The following AHNAK2 variants were observed in gnomAD, a reference collection of about 807,000 sequenced individuals.
AHNAK2 encodes AHNAK nucleoprotein 2, also known as protein AHNAK2.
Under a neutral mutation model 30.7 loss-of-function variants are expected in AHNAK2, and 18 were observed. The ratio of observed to expected loss-of-function variants is 0.59; its 90% CI spans 0.41 to 0.87. The LOEUF is 0.87. Ranked by LOEUF, AHNAK2 falls within the 40% of genes least tolerant of loss-of-function variation. The probability of loss-of-function intolerance (pLI) is 0.00; values close to 1 mark genes in which losing one functional copy is unlikely to be tolerated. For synonymous variants in AHNAK2, 3,590 were observed against 3,073.8 expected (o/e 1.17, Z -5.56); for missense variants, 8,604 against 7,373.0 (o/e 1.17, Z -6.11).
chr14:104,941,418 TGAA>T lies in AHNAK2; in HGVS notation c.14030_14032del (p.Leu4677del), dbSNP rs1261842843. The T allele has an allele frequency of 6.2e-7, 1 of 1,613,222 alleles. No individual in the cohort carries two copies. Among genetic ancestry groups the T allele is most frequent in the Non-Finnish European group, 8.5e-7 (1 of 1,179,790 alleles). ...CAAGTTACCATCGCGAGATGGATCA[TGAA>T]GATCACCTTCATGAACAACAGATTC... On this transcript the variant is annotated inframe_deletion, in exon 7 of 7. Transcript: ENST00000333244.
In AHNAK2 at chr14:104,954,668, C is replaced by G. The variant is rs776836334; in HGVS notation, c.783G>C (p.Trp261Cys). ...TGCTCTTTATGGATTGAAATTTTGG[C>G]CAAGAGAGCCTCTCCCTCTGGCTCT... is the stretch of plus-strand genomic sequence containing the variant. ...GRQSQRERLS[W>C]PKFQSIKSKR... Residue 261 changes from tryptophan to cysteine, a missense_variant, in exon 7 of 7, where the codon TGG becomes TGC. By Grantham distance (215) the Trp-to-Cys change is radical. Coordinates refer to ENST00000333244, the MANE Select transcript of AHNAK2 (RefSeq NM_138420.4). This position sits in a 1 kb window ranked among gnomAD's most constrained non-coding sequence, Gnocchi z 4.3. 2 of 1,612,576 alleles carry G rather than the reference C, an allele frequency of 1.2e-6. No homozygotes were observed. The highest frequency in any genetic ancestry group is 1.7e-6 in the Non-Finnish European group (2 of 1,179,612).
chr14:104,950,818 G>A lies in AHNAK2; in HGVS notation c.4633C>T (p.Pro1545Ser), dbSNP rs541568788. 1.3e-4 allele frequency: 205 copies of A among 1,584,540 alleles called. 30 individuals are homozygous for A. In the East Asian group the frequency reaches 2.0e-3, roughly 15 times the overall value. Residue 1545 changes from proline (P) to serine (S), a missense_variant, in exon 7 of 7, where the codon CCC (proline) becomes TCC (serine). Transcript: ENST00000333244. ...TGGACCTCCAGGTCAGCAGAAGGGG[G>A]CTGTATGCTCAGGTCAGTGGCCTTG... ...DLKATDLSIQ[P>S]PSADLEVQAG...
rs149797191 is a variant in AHNAK2 at position 104,977,135 on chromosome 14, A to G, written c.55+1048T>C. Among the ~76,000 whole-genome samples, 493 of 152,282 alleles carry G rather than the reference A, an allele frequency of 3.2e-3. 2 individuals carry two copies. Among genetic ancestry groups the G allele is most frequent in the African/African-American group, 0.011 (471 of 41,564 alleles). On this transcript the variant is annotated intron_variant, in intron 1 of 6. Transcript: ENST00000333244. Reference sequence around the variant, plus strand: ...TGCAGCTGGGGGGCATGCCCAGGCCAGGGGCACCCCTCTCACCTGCAGCAT... The same window carrying G: ...TGCAGCTGGGGGGCATGCCCAGGCCGGGGGCACCCCTCTCACCTGCAGCAT...
Position 104,945,241 on chromosome 14 carries a change from C to T in AHNAK2, c.10210G>A (p.Val3404Met). 1 of 1,612,958 alleles carries T rather than the reference C, an allele frequency of 6.2e-7. No homozygotes were observed. Among genetic ancestry groups the T allele is most frequent in the Admixed American group, 1.7e-5 (1 of 59,946 alleles). ...VEMPSFKMPKVDLKSPQVDIK... is the reference protein window; with the variant it reads ...VEMPSFKMPKMDLKSPQVDIK... ...TCCACCTGGGGGCTCTTGAGGTCCA[C>T]TTTGGGCATCTTGAAACTGGGCATC... Residue 3404 changes from valine (V) to methionine (M), a missense_variant, in exon 7 of 7, where the codon GTG (valine) becomes ATG (methionine). By Grantham distance (21) the Val-to-Met change is conservative (BLOSUM62 1). Transcript: ENST00000333244.
At position 104,955,373 on chromosome 14, in the gene AHNAK2, G is replaced by T. The variant is rs1046532327; in HGVS notation, c.466+110C>A. 3.5e-6 allele frequency: 5 copies of T among 1,448,432 alleles called. No homozygotes were observed. The Admixed American group carries it at 9.0e-5, about 26-fold the overall frequency. 89.7% of individuals were successfully genotyped at this position (1,448,432 alleles called of 1,614,324 possible). On this transcript the variant is annotated intron_variant, in intron 5 of 6. Transcript: ENST00000333244. ...TCAAGCTGTTGAGCAGAGGCGTGAG[G>T]AGGTCATCCTAAGCTCCAGGTGTGG...
In AHNAK2 at chr14:104,951,053, T is replaced by C. The variant is rs74503853; in HGVS notation, c.4398A>G (p.Pro1466=). The C allele has an allele frequency of 4.1e-5, 44 of 1,060,558 alleles. 12 individuals carry two copies. Among genetic ancestry groups the C allele is most frequent in the Middle Eastern group, 2.7e-4 (1 of 3,686 alleles). 65.7% of individuals were successfully genotyped at this position (1,060,558 alleles called of 1,614,324 possible). The stretch of plus-strand genomic sequence containing the variant: ...GCCGTCCACCATCCAGCTTGGCTCC[T>C]GGGGCCTCGACATCCACCTCCACGC... ...LPSVEVDVEA[P]GAKLDGGRLE... Residue 1466 remains proline, a synonymous_variant, in exon 7 of 7, where the codon CCA becomes CCG. Transcript: ENST00000333244.
rs575250277 is a variant in AHNAK2, at chr14:104,948,865, G to A, written c.6586C>T (p.Leu2196Phe). The A allele has an allele frequency of 7.5e-6, 12 of 1,610,418 alleles. No individual in the cohort carries two copies. In the Admixed American group the frequency reaches 8.4e-5, roughly 11 times the overall value. ...DMSLPSMQGDLKTTDLSIQPL... is the reference protein window; with the variant it reads ...DMSLPSMQGDFKTTDLSIQPL... ...TGAATGCTGAGGTCAGTGGTCTTGA[G>A]GTCCCCCTGCATGGAGGGGAGACTC... is the stretch of plus-strand genomic sequence containing the variant. The change falls in exon 7 of 7, where the codon CTC (leucine) becomes TTC (phenylalanine). Residue 2196 changes from leucine (L) to phenylalanine (F), a missense_variant. Physicochemically the swap from Leu to Phe is conservative, Grantham distance 22 (BLOSUM62 0). Coordinates refer to ENST00000333244, the MANE Select transcript of AHNAK2 (RefSeq NM_138420.4).
intron 1 of AHNAK2, among the ~76,000 whole-genome samples, chr14:104,963,841 G>GA (rs1021818717): frequency 1.8e-4 from 24 of 132,390 alleles, no homozygotes; most frequent in African/African-American, 3.5e-4. Flanking sequence ...AAAAAAAAAA[G>GA]AAAAAAAAAA....
In AHNAK2 at chr14:104,944,335, G is replaced by T; in HGVS notation, c.11116C>A (p.Leu3706Ile). 6.2e-7 allele frequency: 1 copy of T among 1,612,878 alleles called. No individual in the cohort carries two copies. The highest frequency in any genetic ancestry group is 8.5e-7 in the Non-Finnish European group (1 of 1,179,562). ...CCCTCGGGCACCTGGCCCTCCGGGAGCTTCACATCCATCTGGCCAGCCTGG... is the reference window on the plus strand; with the variant it reads ...CCCTCGGGCACCTGGCCCTCCGGGATCTTCACATCCATCTGGCCAGCCTGG... The part of the protein sequence containing the change: ...KVQAGQMDVK[L>I]PEGQVPEGAG... Residue 3706 changes from leucine (L) to isoleucine (I), a missense_variant, in exon 7 of 7, where the codon CTC becomes ATC. Leu to Ile is a conservative substitution (Grantham distance 5). Transcript: ENST00000333244.
intron 1 of AHNAK2, among the ~76,000 whole-genome samples, chr14:104,977,738 C>T (rs1244688100): frequency 6.6e-6 from 1 of 152,202 alleles, no homozygotes; most frequent in East Asian, 1.9e-4. Flanking sequence ...CCCCGGGTCC[C>T]GGCGGCCCCG....
chr14:104,948,593 C>A lies in AHNAK2; in HGVS notation c.6858G>T (p.Val2286=). The change falls in exon 7 of 7, where the codon GTG becomes GTT. Residue 2286 remains valine (V), a synonymous_variant. Transcript: ENST00000333244. The part of the protein sequence containing the change: ...DVEVSLPSVE[V]DVKAPGAKLD... ...GCTTGGCTCCTGGGGCCTTGACGTC[C>A]ACCTCCACGCTGGGCAGAGACACCT... The A allele has an allele frequency of 1.2e-6, 2 of 1,612,766 alleles. No individual in the cohort carries two copies. Among genetic ancestry groups the A allele is most frequent in the Non-Finnish European group, 1.7e-6 (2 of 1,179,814 alleles).
At chr14:104,960,751 T>A (rs879280680) in intron 1 of AHNAK2, among the ~76,000 whole-genome samples, 2 of 152,228 alleles carry the variant, frequency 1.3e-5, no homozygotes, top group Non-Finnish European at 1.5e-5. Flanking sequence ...AGTAAAATGA[T>A]TGAATTGTAC....
In AHNAK2 at chr14:104,939,888, C is replaced by G. The variant is rs1897926618; in HGVS notation, c.15563G>C (p.Ser5188Thr). The G allele has an allele frequency of 1.2e-6, 2 of 1,613,580 alleles. No individual in the cohort carries two copies. Among genetic ancestry groups the G allele is most frequent in the Admixed American group, 1.7e-5 (1 of 60,032 alleles). Residue 5188 changes from serine (S) to threonine (T), a missense_variant, in exon 7 of 7, where the codon AGC becomes ACC. By Grantham distance (58) the Ser-to-Thr change is moderately conservative (BLOSUM62 1). Coordinates refer to ENST00000333244, the MANE Select transcript of AHNAK2 (RefSeq NM_138420.4). Reference protein sequence around the residue: ...EEAMTKYSQESWFKMPKFRMP... With the variant: ...EEAMTKYSQETWFKMPKFRMP... Reference sequence around the variant, plus strand: ...GCGGAACTTGGGCATTTTAAACCAGCTTTCCTGCGAGTACTTGGTCATGGC... The same window carrying G: ...GCGGAACTTGGGCATTTTAAACCAGGTTTCCTGCGAGTACTTGGTCATGGC...
rs201305893 is a variant in AHNAK2, at chr14:104,944,973, T to A, written c.10478A>T (p.Glu3493Val). ...FGVSAPGRSI[E>V]ASLDVSAPKV... ...CGGCGCAGACACATCCAGCGAGGCC[T>A]CGATGGACCTGCCTGGGGCCGACAC... Residue 3493 changes from glutamate (E) to valine (V), a missense_variant, in exon 7 of 7, where the codon GAG becomes GTG. Glu to Val is a moderately radical substitution (Grantham distance 121). Coordinates refer to ENST00000333244, the MANE Select transcript of AHNAK2 (RefSeq NM_138420.4). 1.2e-6 allele frequency: 2 copies of A among 1,612,990 alleles called. No individual in the cohort carries two copies. Among genetic ancestry groups the A allele is most frequent in the South Asian group, 2.2e-5 (2 of 91,030 alleles).
intron 1 of AHNAK2, among the ~76,000 whole-genome samples, chr14:104,960,340 T>G (rs545771162): frequency 6.6e-6 from 1 of 152,170 alleles, no homozygotes. Flanking sequence ...ACGTGTAGAC[T>G]TTTTTTCTTG....
In AHNAK2 at chr14:104,949,625, C is replaced by G. The variant is rs752216670; in HGVS notation, c.5826G>C (p.Val1942=). The G allele has an allele frequency of 6.9e-6, 11 of 1,589,108 alleles. No individual in the cohort carries two copies. In the East Asian group the frequency reaches 2.0e-4, roughly 29 times the overall value. The part of the protein sequence containing the change: ...KLDLKGPKAE[V]TAPDVEVSLP... ...GAGACACCTCGACATCGGGGGCTGTCACTTCCGCCTTGGGGCCTTTCAGGT... is the reference window on the plus strand; with the variant it reads ...GAGACACCTCGACATCGGGGGCTGTGACTTCCGCCTTGGGGCCTTTCAGGT... The change falls in exon 7 of 7, where the codon GTG becomes GTC. Residue 1942 remains valine (V), a synonymous_variant. Coordinates refer to ENST00000333244, the MANE Select transcript of AHNAK2 (RefSeq NM_138420.4).
chr14:104,952,991 G>A lies in AHNAK2; in HGVS notation c.2460C>T (p.Ser820=). The A allele has an allele frequency of 1.2e-6, 2 of 1,612,482 alleles. No individual in the cohort carries two copies. The highest frequency in any genetic ancestry group is 1.7e-6 in the Non-Finnish European group (2 of 1,179,532). ...LDGARLEGDL[S]LADKEVTAKD... ...TGGCAGTCACCTCCTTGTCGGCCAG[G>A]GACAGGTCCCCCTCCAGCCGCGCAC... The change falls in exon 7 of 7, where the codon TCC becomes TCT. Residue 820 remains serine (S), a synonymous_variant. Transcript: ENST00000333244.
Position 104,940,358 on chromosome 14 carries a change from C to T in AHNAK2, c.15093G>A (p.Met5031Ile), listed in dbSNP as rs1456458658. 1.2e-6 allele frequency: 2 copies of T among 1,613,850 alleles called. No homozygotes were observed. Among genetic ancestry groups the T allele is most frequent in the Non-Finnish European group, 1.7e-6 (2 of 1,179,880 alleles). The change falls in exon 7 of 7, where the codon ATG becomes ATA. Residue 5031 changes from methionine to isoleucine, a missense_variant. By Grantham distance (10) the Met-to-Ile change is conservative. Coordinates refer to ENST00000333244, the MANE Select transcript of AHNAK2 (RefSeq NM_138420.4). The surrounding 1 kb of genome is among the most constrained non-coding windows in gnomAD (Gnocchi z 4.4). ...FAMPKLALPK[M>I]KASKSGVSLP... The stretch of plus-strand genomic sequence containing the variant: ...GGCTGACCCCACTCTTAGAAGCCTT[C>T]ATTTTGGGAAGTGCAAGTTTTGGCA...
At chr14:104,961,243 G>A (rs928714969) in intron 1 of AHNAK2, among the ~76,000 whole-genome samples, 11 of 151,942 alleles carry the variant, frequency 7.2e-5, no homozygotes, top group Non-Finnish European at 1.3e-4. Flanking sequence ...GGCCGGGCAC[G>A]GTGGCTCACG....
Sources: allele counts gnomAD v4.1 joint callset (sites outside exome capture counted in the v4.1 genomes callset), GRCh38; gene constraint gnomAD v4.1.1; non-coding constraint Gnocchi (gnomAD v3.1); transcripts MANE v1.5; gene names NCBI Gene and HGNC (gene_info 2026-07-23, HGNC 2026-07-21).